CPNE8: variants seen among roughly 807,000 people sequenced by gnomAD.
CPNE8 encodes the protein copine 8.
In CPNE8, 45 loss-of-function variants were observed where a neutral mutation model predicts 81.5. The observed-to-expected ratio is 0.55, with a 90% CI of 0.44 to 0.71. The LOEUF (loss-of-function observed/expected upper bound fraction) is 0.71. CPNE8 is among the 30% of genes least tolerant of loss of function. CPNE8 has a pLI of 0.00. For synonymous variants in CPNE8, 252 were observed against 226.3 expected (o/e 1.11, Z -1.02); for missense variants, 594 against 672.1 (o/e 0.88, Z 1.28).
chr12:38,701,610 C>T (rs962963581), intron 14 of CPNE8, among the ~76,000 whole-genome samples: 2 of 152,138 alleles, frequency 1.3e-5, no homozygotes, highest in East Asian at 3.9e-4. Flanking sequence ...TCTCCTGCCT[C>T]AGCCTCCTGA....
At chr12:38,903,808 A>T (rs910827521) in intron 1 of CPNE8, among the ~76,000 whole-genome samples, 1 of 152,228 alleles carries the variant, frequency 6.6e-6, no homozygotes, top group African/African-American at 2.4e-5. Context: ...TTTTCCAAAC[A>T]GCTTCACCTG....
rs538882156 is a variant in CPNE8, at chr12:38,654,494, G to A, written c.1507-424C>T. On this transcript the variant is annotated intron_variant, in intron 19 of 19. Transcript: ENST00000331366. ...CATGCCACTGCACTCCAGCCTGGCCGACAGAGCGAGACTCTGTCTCAAAAA... is the reference window on the plus strand; with the variant it reads ...CATGCCACTGCACTCCAGCCTGGCCAACAGAGCGAGACTCTGTCTCAAAAA... Among the ~76,000 whole-genome samples, 1,159 of 121,640 alleles carry A rather than the reference G, an allele frequency of 9.5e-3. 8 individuals carry two copies. The highest frequency in any genetic ancestry group is 0.014 in the Non-Finnish European group (860 of 61,570). 79.8% of individuals were successfully genotyped at this position (121,640 alleles called of 152,430 possible).
In CPNE8 at chr12:38,839,870, A is replaced by C. The variant is rs763076556; in HGVS notation, c.330+46T>G. The C allele has an allele frequency of 2.0e-6, 3 of 1,466,738 alleles. No individual in the cohort carries two copies. In the Admixed American group the frequency reaches 6.2e-5, roughly 30 times the overall value. 90.9% of individuals were successfully genotyped at this position (1,466,738 alleles called of 1,614,324 possible). A position where few individuals can be genotyped will look rare whatever the true frequency, so the allele number is the denominator to read the frequency against. On this transcript the variant is annotated intron_variant, in intron 5 of 19. Coordinates refer to ENST00000331366, the MANE Select transcript of CPNE8 (RefSeq NM_153634.3). The stretch of plus-strand genomic sequence containing the variant: ...ATATTAATAAGTCAGCATAAGTACT[A>C]ATCATTGTATTATAATGTTATAAAA...
intron 13 of CPNE8, among the ~76,000 whole-genome samples, chr12:38,710,036 T>C (rs1023382229): frequency 6.6e-6 from 1 of 152,034 alleles, no homozygotes; most frequent in Non-Finnish European, 1.5e-5. Flanking sequence ...TCTTCAACCT[T>C]ACTGAATTCA....
At chr12:38,824,920 A>G (rs189149886) in intron 6 of CPNE8, among the ~76,000 whole-genome samples, 2 of 152,270 alleles carry the variant, frequency 1.3e-5, no homozygotes, top group Admixed American at 1.3e-4. Context: ...TTCTATCCTC[A>G]GTCATGAGGA....
chr12:38,820,183 G>T (rs1943091076), intron 6 of CPNE8, among the ~76,000 whole-genome samples: 1 of 152,026 alleles, frequency 6.6e-6, no homozygotes, highest in Non-Finnish European at 1.5e-5. Flanking sequence ...AAGATGGGGG[G>T]ATCACAAGAT....
At chr12:38,703,176 C>T (rs1939993304) in intron 13 of CPNE8, among the ~76,000 whole-genome samples, 1 of 152,006 alleles carries the variant, frequency 6.6e-6, no homozygotes, top group African/African-American at 2.4e-5. Context: ...AAAGTAGTTC[C>T]TATTTTGGAG....
chr12:38,777,641 T>C (rs1941963381), intron 6 of CPNE8, among the ~76,000 whole-genome samples: 1 of 152,186 alleles, frequency 6.6e-6, no homozygotes, highest in Non-Finnish European at 1.5e-5. Flanking sequence ...TACCATTTTA[T>C]ATGTTTACTT....
intron 6 of CPNE8, among the ~76,000 whole-genome samples, chr12:38,799,668 T>A (rs1185591589): frequency 5.3e-5 from 8 of 151,880 alleles, no homozygotes; most frequent in Admixed American, 1.3e-4. Context: ...GATGGCCGAA[T>A]AGGAACAGCT....
intron 3 of CPNE8, among the ~76,000 whole-genome samples, chr12:38,872,357 G>A (rs1003396641): frequency 1.3e-5 from 2 of 152,128 alleles, no homozygotes; most frequent in African/African-American, 4.8e-5. Context: ...ACCTCACTAG[G>A]GAAATCTAGC....
At chr12:38,729,942 C>G (rs1428410667) in intron 11 of CPNE8, among the ~76,000 whole-genome samples, 1 of 139,020 alleles carries the variant, frequency 7.2e-6, no homozygotes, top group Admixed American at 7.2e-5. Context: ...CACACTGACA[C>G]CACAAAAATG....
chr12:38,793,028 T>G (rs1195105626), intron 6 of CPNE8, among the ~76,000 whole-genome samples: 1 of 151,804 alleles, frequency 6.6e-6, no homozygotes, highest in East Asian at 1.9e-4. Flanking sequence ...TTGACAAAAT[T>G]CCAGTAGCCT....
At chr12:38,736,504 G>C (rs547894781) in intron 10 of CPNE8, among the ~76,000 whole-genome samples, 1 of 74,124 alleles carries the variant, frequency 1.3e-5, no homozygotes, top group Non-Finnish European at 2.7e-5. Context: ...TGCCTGTTTA[G>C]TTACGCCAAA....
chr12:38,760,451 A>ATGTG (rs1555154517), intron 10 of CPNE8, among the ~76,000 whole-genome samples: 1 of 120,174 alleles, frequency 8.3e-6, no homozygotes, highest in Non-Finnish European at 1.9e-5. Context: ...ATATATATAT[A>ATGTG]TGTGTGTGTA....
intron 6 of CPNE8, among the ~76,000 whole-genome samples, chr12:38,798,591 A>G (rs1942566735): frequency 6.6e-6 from 1 of 152,164 alleles, no homozygotes. Flanking sequence ...CCACTGCAAA[A>G]ACATGCCAAA....
At position 38,755,343 on chromosome 12, in the gene CPNE8, G is replaced by C. The variant is rs145597952; in HGVS notation, c.722+5504C>G. Among the ~76,000 whole-genome samples, 740 of 152,234 alleles carry C rather than the reference G, an allele frequency of 4.9e-3. 6 individuals are homozygous for C. The highest frequency in any genetic ancestry group is 0.016 in the African/African-American group (685 of 41,534). ...AAAGCATCATTTTTCTGGTAGGCAG[G>C]AATCTACTTGGTGGCCCATTTACAA... is the stretch of plus-strand genomic sequence containing the variant. On this transcript the variant is annotated intron_variant, in intron 10 of 19. Transcript: ENST00000331366.
chr12:38,712,205 A>ATTTTTT lies in CPNE8; in HGVS notation c.915-9290_915-9285dup, dbSNP rs200471171. On this transcript the variant is annotated intron_variant, in intron 13 of 19. Transcript: ENST00000331366. ...GCAACATATCCAATGCAATGATGCC[A>ATTTTTT]TTTTTTTTTTTTTTTTTTTAGAAGA... is the stretch of plus-strand genomic sequence containing the variant. 5.3e-3 allele frequency among the ~76,000 whole-genome samples: 725 copies of ATTTTTT among 135,904 alleles called. 5 individuals are homozygous for ATTTTTT. The highest frequency in any genetic ancestry group is 0.018 in the African/African-American group (681 of 37,222). 89.2% of individuals were successfully genotyped at this position (135,904 alleles called of 152,430 possible).
intron 6 of CPNE8, among the ~76,000 whole-genome samples, chr12:38,822,953 A>AT (rs1436802920): frequency 6.6e-6 from 1 of 152,142 alleles, no homozygotes; most frequent in Non-Finnish European, 1.5e-5. Context: ...CCCAAAGTTG[A>AT]TTACATTTTT....
intron 9 of CPNE8, 77 bp downstream of exon 9, chr12:38,762,035 C>A (rs2136852217): frequency 7.6e-6 from 5 of 653,744 alleles, no homozygotes; most frequent in East Asian, 3.2e-5. Context: ...AATTAGCCAA[C>A]TTATCCCACT....
Sources: allele counts gnomAD v4.1 joint callset (sites outside exome capture counted in the v4.1 genomes callset), GRCh38; gene constraint gnomAD v4.1.1; transcripts MANE v1.5; gene names NCBI Gene and HGNC (gene_info 2026-07-23, HGNC 2026-07-21).